The following MTUS1 variants were observed in gnomAD, a reference collection of about 807,000 sequenced individuals.
MTUS1 encodes the protein microtubule-associated tumor suppressor 1.
In MTUS1, 109 loss-of-function variants were observed where a neutral mutation model predicts 120.8. The observed-to-expected ratio is 0.90, with a 90% CI of 0.77 to 1.06. The LOEUF is 1.06. Ranked by LOEUF, MTUS1 falls within the 50% of genes least tolerant of loss-of-function variation. The pLI is 0.00. For synonymous variants in MTUS1, 737 were observed against 550.5 expected, an observed-to-expected ratio of 1.34 and a Z score of -4.74; for missense variants, 2,210 against 1,486.3, an observed-to-expected ratio of 1.49 and a Z score of -8.01.
chr8:17,653,635 T>C lies in MTUS1; in HGVS notation c.3215-137A>G, dbSNP rs150049503. ...ACTTTACATCTATAGTATGCTTTTATGTAAATTGGCCATCTGTTCTCAAAA... is the reference window on the plus strand; with the variant it reads ...ACTTTACATCTATAGTATGCTTTTACGTAAATTGGCCATCTGTTCTCAAAA... On this transcript the variant is annotated intron_variant, in intron 10 of 14. Coordinates refer to ENST00000693296, the MANE Select transcript of MTUS1 (RefSeq NM_001363059.2). 4.7e-6 allele frequency: 3 copies of C among 641,852 alleles called. No homozygotes were observed. In the African/African-American group the frequency reaches 5.7e-5, roughly 12 times the overall value. 39.8% of individuals were successfully genotyped at this position (641,852 alleles called of 1,614,324 possible).
At chr8:17,725,450 G>A (rs556457232) in intron 3 of MTUS1, among the ~76,000 whole-genome samples, 8 of 152,210 alleles carry the variant, frequency 5.3e-5, no homozygotes, top group African/African-American at 9.6e-5. Flanking sequence ...GATTAACCTC[G>A]CTTTCTCTCT....
intron 8 of MTUS1, among the ~76,000 whole-genome samples, chr8:17,666,384 A>C (rs138487913): frequency 6.6e-6 from 1 of 152,286 alleles, no homozygotes; most frequent in Non-Finnish European, 1.5e-5. Context: ...AAGGCTGCTA[A>C]AAGTCCTTGG....
intron 3 of MTUS1, among the ~76,000 whole-genome samples, chr8:17,731,904 A>C (rs1479603430): frequency 6.6e-6 from 1 of 152,164 alleles, no homozygotes; most frequent in African/African-American, 2.4e-5. Flanking sequence ...CCCATAGAAG[A>C]GTTTAAAAAG....
intron 7 of MTUS1, chr8:17,676,498 G>A (rs146613631): frequency 1.2e-5 from 7 of 595,860 alleles, no homozygotes; most frequent in Admixed American, 2.9e-5. Flanking sequence ...CGTGTGCCTC[G>A]GATTCCTCAC....
rs1423164385 is a variant in MTUS1, at chr8:17,800,164, ACT to A, written c.-155+895_-155+896del. Among the ~76,000 whole-genome samples, 4 of 151,728 alleles carry A rather than the reference ACT, an allele frequency of 2.6e-5. No individual in the cohort carries two copies. The East Asian group carries it at 5.8e-4, about 22-fold the overall frequency. ...GGTCACTGGTTCCCAGGAAGCAATG[ACT>A]CTCTTTTTTAATCCCCTCCCTCCTG... is the stretch of plus-strand genomic sequence containing the variant. On this transcript the variant is annotated intron_variant, in intron 1 of 14. Coordinates refer to ENST00000693296, the MANE Select transcript of MTUS1 (RefSeq NM_001363059.2).
intron 2 of MTUS1, among the ~76,000 whole-genome samples, chr8:17,751,942 T>C (rs532158217): frequency 6.7e-6 from 1 of 148,954 alleles, no homozygotes; most frequent in African/African-American, 2.5e-5. Flanking sequence ...TATGCGAATA[T>C]GGGACAATCT....
chr8:17,796,035 C>T (rs13260520), intron 1 of MTUS1, among the ~76,000 whole-genome samples: 93,673 of 151,760 alleles, frequency 0.62, 32,084 homozygotes, highest in Non-Finnish European at 0.77. Flanking sequence ...CTGCAACCTC[C>T]GCCTCCTGGA....
chr8:17,770,552 A>G (rs1260012190), intron 1 of MTUS1: 2 of 152,220 alleles, frequency 1.3e-5, no homozygotes, highest in Non-Finnish European at 2.9e-5. Context: ...TGTCTTTTTC[A>G]TGGAGCAATG....
chr8:17,674,266 A>T (rs1388968131), intron 8 of MTUS1, among the ~76,000 whole-genome samples: 4 of 152,050 alleles, frequency 2.6e-5, no homozygotes. Flanking sequence ...CTAAAAATAC[A>T]AAAATTAGCT....
intron 6 of MTUS1, among the ~76,000 whole-genome samples, chr8:17,694,190 G>A (rs563038600): frequency 2.6e-5 from 4 of 152,170 alleles, no homozygotes; most frequent in Non-Finnish European, 5.9e-5. Context: ...GCCTCCCAAA[G>A]TACTGGGATT....
At chr8:17,725,094 A>G (rs570597240) in intron 3 of MTUS1, among the ~76,000 whole-genome samples, 4 of 151,958 alleles carry the variant, frequency 2.6e-5, no homozygotes, top group Non-Finnish European at 5.9e-5. Flanking sequence ...GCTTCAAACC[A>G]TTGGAATCAT....
intron 12 of MTUS1, among the ~76,000 whole-genome samples, chr8:17,652,258 G>T (rs1027813625): frequency 6.6e-6 from 1 of 152,174 alleles, no homozygotes; most frequent in Non-Finnish European, 1.5e-5. Context: ...CAAGAGATTT[G>T]TACTTTTCAG....
At chr8:17,693,086 C>A (rs1230457561) in intron 6 of MTUS1, among the ~76,000 whole-genome samples, 1 of 152,142 alleles carries the variant, frequency 6.6e-6, no homozygotes, top group African/African-American at 2.4e-5. Context: ...GCAATTAATA[C>A]AAGAATTTCC....
At chr8:17,756,671 A>ACCGCCCCCC (rs1554526123) in intron 1 of MTUS1, among the ~76,000 whole-genome samples, 6 of 117,484 alleles carry the variant, frequency 5.1e-5, no homozygotes, top group African/African-American at 9.6e-5. Context: ...TCAAGCCCAA[A>ACCGCCCCCC]CCCCCACCCC....
intron 9 of MTUS1, 27 bp downstream of exon 9, chr8:17,655,836 A>T (rs1262808715): frequency 1.2e-6 from 2 of 1,609,520 alleles, no homozygotes; most frequent in African/African-American, 2.7e-5. Flanking sequence ...GAGGCCTCAG[A>T]CAAGCTCTGG....
intron 1 of MTUS1, among the ~76,000 whole-genome samples, chr8:17,788,348 G>T (rs1563395727): frequency 6.6e-6 from 1 of 152,174 alleles, no homozygotes; most frequent in Non-Finnish European, 1.5e-5. Flanking sequence ...GGAATCTACA[G>T]ATTTTTTCCG....
chr8:17,699,540 T>C (rs1348751768), intron 6 of MTUS1, among the ~76,000 whole-genome samples: 1 of 152,152 alleles, frequency 6.6e-6, no homozygotes, highest in Admixed American at 6.6e-5. Context: ...AAAAGGGAAG[T>C]TCTTTAGACT....
intron 2 of MTUS1, among the ~76,000 whole-genome samples, chr8:17,748,658 G>C (rs1189005100): frequency 1.3e-5 from 2 of 152,170 alleles, no homozygotes; most frequent in African/African-American, 2.4e-5. Flanking sequence ...GCTCCTGCCG[G>C]TGCTCAAAGT....
rs149739254 is a variant in MTUS1 at position 17,773,284 on chromosome 8, C to T, written c.-154-17323G>A. Reference sequence around the variant, plus strand: ...ACGTCTCAGATCACCATACGTAGTGCAGGAGCAGGGGAAGAGTCTTCAAGA... The same window carrying T: ...ACGTCTCAGATCACCATACGTAGTGTAGGAGCAGGGGAAGAGTCTTCAAGA... On this transcript the variant is annotated intron_variant, in intron 1 of 14. Coordinates refer to ENST00000693296, the MANE Select transcript of MTUS1 (RefSeq NM_001363059.2). Among the ~76,000 whole-genome samples the T allele has an allele frequency of 3.6e-3, 541 of 152,286 alleles. 5 individuals are homozygous for T. The highest frequency in any genetic ancestry group is 0.012 in the African/African-American group (503 of 41,558).
Sources: allele counts gnomAD v4.1 joint callset (sites outside exome capture counted in the v4.1 genomes callset), GRCh38; gene constraint gnomAD v4.1.1; transcripts MANE v1.5; gene names NCBI Gene and HGNC (gene_info 2026-07-23, HGNC 2026-07-21).